Variants in N4BP2 observed in about 807,000 individuals in gnomAD.
The protein encoded by N4BP2 is NEDD4-binding protein 2.
Under a neutral mutation model 152.8 loss-of-function variants are expected in N4BP2, and 91 were observed. The observed-to-expected ratio is 0.60, with a 90% CI of 0.50 to 0.71. The LOEUF is 0.71. Ranked by LOEUF, N4BP2 falls within the 30% of genes least tolerant of loss-of-function variation. The pLI, the probability that N4BP2 is intolerant of heterozygous loss-of-function variation, is 0.00. For synonymous variants in N4BP2, 646 were observed against 705.3 expected (o/e 0.92, Z 1.33); for missense variants, 1,923 against 2,059.1 (o/e 0.93, Z 1.28).
intron 2 of N4BP2, among the ~76,000 whole-genome samples, chr4:40,082,379 C>T (rs759269842): frequency 3.4e-4 from 52 of 150,858 alleles, no homozygotes; most frequent in Non-Finnish European, 6.8e-4. Context: ...AATAATCTAA[C>T]AATCCTGGGT....
the N4BP2 span, among the ~76,000 whole-genome samples, chr4:40,171,320 A>C: frequency 6.6e-6 from 1 of 152,168 alleles, no homozygotes; most frequent in South Asian, 2.1e-4. Context: ...CCACTGGCAG[A>C]AAGAGAGTGC....
At chr4:40,148,179 G>A (rs184426538) in intron 16 of N4BP2, among the ~76,000 whole-genome samples, 1 of 152,342 alleles carries the variant, frequency 6.6e-6, no homozygotes. Flanking sequence ...CTGAGTGAAC[G>A]AGACTCCGTC....
rs1416299298 is a variant in N4BP2 at position 40,139,818 on chromosome 4, AT to A, written c.4785+2745del. 3.4e-4 allele frequency among the ~76,000 whole-genome samples: 33 copies of A among 97,110 alleles called. 1 individual carries two copies. Among genetic ancestry groups the A allele is most frequent in the Admixed American group, 3.2e-3 (28 of 8,852 alleles). 63.7% of individuals were successfully genotyped at this position (97,110 alleles called of 152,430 possible). A position where few individuals can be genotyped will look rare whatever the true frequency, so the allele number is the denominator to read the frequency against. ...GCATTAGGCTTTTTTTTTTTTTTAC[AT>A]TTTTTTTTCTTTTTTTTTTTTTTGA... is the stretch of plus-strand genomic sequence containing the variant. On this transcript the variant is annotated intron_variant, in intron 14 of 17. Transcript: ENST00000261435.
At chr4:40,162,702 G>C (rs77435078), downstream of N4BP2, among the ~76,000 whole-genome samples, 1 of 152,300 alleles carries the variant, frequency 6.6e-6, no homozygotes, top group African/African-American at 2.4e-5. Context: ...ATTATTTAAT[G>C]TAGCTTATTG....
intron 1 of N4BP2, among the ~76,000 whole-genome samples, chr4:40,065,840 G>T (rs1733995676): frequency 6.6e-6 from 1 of 151,988 alleles, no homozygotes; most frequent in Non-Finnish European, 1.5e-5. Flanking sequence ...TTGACCGGGG[G>T]CATGGATATG....
At chr4:40,057,197 T>A (rs1165578430) in intron 1 of N4BP2, 167 bp downstream of exon 1, 1 of 152,196 alleles carries the variant, frequency 6.6e-6, no homozygotes, top group Non-Finnish European at 1.5e-5. Flanking sequence ...CCGCCTCCGA[T>A]CTGACCCGCG....
At chr4:40,101,309 G>A (rs531101257) in intron 3 of N4BP2, among the ~76,000 whole-genome samples, 1 of 152,164 alleles carries the variant, frequency 6.6e-6, no homozygotes, top group South Asian at 2.1e-4. Flanking sequence ...GGCATGCGCC[G>A]CCACTATGCC....
At chr4:40,186,857 A>G in the N4BP2 span, among the ~76,000 whole-genome samples, 1 of 152,202 alleles carries the variant, frequency 6.6e-6, no homozygotes, top group Non-Finnish European at 1.5e-5. Context: ...TTTTCCTGAT[A>G]AGTCATGCCA....
the N4BP2 span, among the ~76,000 whole-genome samples, chr4:40,165,622 G>A: frequency 6.6e-6 from 1 of 152,080 alleles, no homozygotes; most frequent in African/African-American, 2.4e-5. Context: ...AAAAGGATAT[G>A]TATAGATAGA....
intron 5 of N4BP2, among the ~76,000 whole-genome samples, chr4:40,108,265 C>G (rs1370205898): frequency 6.6e-6 from 1 of 152,000 alleles, no homozygotes; most frequent in Non-Finnish European, 1.5e-5. Context: ...GAATTTGAAC[C>G]ACCAGAAATG....
chr4:40,184,983 A>AAATAAATAAAT, the N4BP2 span, among the ~76,000 whole-genome samples: 128 of 151,518 alleles, frequency 8.4e-4, no homozygotes, highest in Admixed American at 2.6e-3. Flanking sequence ...ATAAATAAAT[A>AAATAAATAAAT]AAATAAAAAA....
the N4BP2 span, among the ~76,000 whole-genome samples, chr4:40,173,528 CTG>C: frequency 6.6e-6 from 1 of 152,178 alleles, no homozygotes; most frequent in East Asian, 1.9e-4. Context: ...TTCATTTTGA[CTG>C]GGGCAGCCAA....
chr4:40,170,060 T>A, the N4BP2 span, among the ~76,000 whole-genome samples: 48 of 148,846 alleles, frequency 3.2e-4, no homozygotes, highest in South Asian at 8.0e-3. Context: ...GATAAAAAAA[T>A]CTCTGAAAAA....
rs780476202 is a variant in N4BP2, at chr4:40,117,928, G to T, written c.1724G>T (p.Arg575Leu). ...KITRMLEHYQ[R>L]FVSVPIIMSS... ...ACAAGAATGTTGGAACATTATCAAC[G>T]TTTTGTTTCAGTGCCAATAATTATG... The change falls in exon 8 of 18, where the codon CGT (arginine) becomes CTT (leucine). Residue 575 changes from arginine to leucine, a missense_variant. Coordinates refer to ENST00000261435, the MANE Select transcript of N4BP2 (RefSeq NM_018177.6). 6.2e-7 allele frequency: 1 copy of T among 1,612,642 alleles called. No homozygotes were observed.
chr4:40,089,025 A>T (rs1482379920), intron 2 of N4BP2, among the ~76,000 whole-genome samples: 1 of 151,970 alleles, frequency 6.6e-6, no homozygotes, highest in East Asian at 1.9e-4. Context: ...ATCATAGCTC[A>T]CTGCAGGCTC....
At position 40,123,128 on chromosome 4, in the gene N4BP2, G is replaced by T. The variant is rs965930574; in HGVS notation, c.4200G>T (p.Gly1400=). Residue 1400 remains glycine (G), a splice_region_variant and synonymous_variant, in exon 10 of 18, where the codon GGG becomes GGT. Coordinates refer to ENST00000261435, the MANE Select transcript of N4BP2 (RefSeq NM_018177.6). ...CTTCCCTCCCCCTTCCCCCACAAGG[G>T]TCTCTAACAGTTGAAGATTGTGTGG... ...ELFGPVGIDS[G]SLTVEDCVVH... The T allele has an allele frequency of 2.5e-6, 4 of 1,598,886 alleles. No homozygotes were observed. The East Asian group carries it at 9.0e-5, about 36-fold the overall frequency.
At chr4:40,080,889 A>G (rs1176520504) in intron 2 of N4BP2, among the ~76,000 whole-genome samples, 1 of 145,498 alleles carries the variant, frequency 6.9e-6, no homozygotes, top group South Asian at 2.2e-4. Flanking sequence ...GATGGTCTCG[A>G]TCTCCTGATC....
chr4:40,179,186 G>A, the N4BP2 span, among the ~76,000 whole-genome samples: 3 of 152,080 alleles, frequency 2.0e-5, no homozygotes, highest in Admixed American at 2.0e-4. Flanking sequence ...GGCTAACATG[G>A]TGAAACCCTG....
At chr4:40,088,625 C>T (rs944413796) in intron 2 of N4BP2, among the ~76,000 whole-genome samples, 3 of 151,938 alleles carry the variant, frequency 2.0e-5, no homozygotes, top group Non-Finnish European at 4.4e-5. Context: ...CTCAGCCTCC[C>T]GAGTAGCTGG....
Sources: gnomAD v4.1 joint callset for allele counts (sites outside exome capture counted in the v4.1 genomes callset) on GRCh38, gnomAD v4.1.1 for gene constraint, MANE v1.5 for transcripts, NCBI Gene and HGNC (gene_info 2026-07-23, HGNC 2026-07-21) for gene names.